NKAIN3: variants seen among roughly 807,000 people sequenced by gnomAD.
NKAIN3 encodes the protein sodium/potassium transporting ATPase interacting 3, also known as sodium/potassium-transporting ATPase subunit beta-1-interacting protein 3.
A neutral mutation model predicts 30.2 loss-of-function variants in NKAIN3; 25 were observed. The observed-to-expected ratio is 0.83, with a 90% CI of 0.60 to 1.16. The LOEUF is 1.16. NKAIN3 is among the 50% of genes most tolerant of loss of function. The probability of loss-of-function intolerance (pLI) is 0.00; values close to 1 mark genes in which losing one functional copy is unlikely to be tolerated. For missense variants in NKAIN3, 225 were observed against 254.1 expected, an observed-to-expected ratio of 0.89 and a Z score of 0.78; for synonymous variants, 91 against 89.6, an observed-to-expected ratio of 1.02 and a Z score of -0.09.
chr8:62,416,232 A>T (rs1311451315), intron 1 of NKAIN3, among the ~76,000 whole-genome samples: 1 of 152,144 alleles, frequency 6.6e-6, no homozygotes, highest in East Asian at 1.9e-4. Flanking sequence ...CTCATTAAGG[A>T]TTCAATAGCT....
chr8:62,420,097 C>G (rs1322687337), intron 1 of NKAIN3, among the ~76,000 whole-genome samples: 2 of 152,156 alleles, frequency 1.3e-5, no homozygotes, highest in African/African-American at 2.4e-5. Context: ...TTTTAGCTAG[C>G]ACCAACATAT....
chr8:62,294,615 A>G (rs1316961595), intron 1 of NKAIN3, among the ~76,000 whole-genome samples: 1 of 152,142 alleles, frequency 6.6e-6, no homozygotes, highest in Non-Finnish European at 1.5e-5. Context: ...TGACAAGATC[A>G]TGGTTCACTT....
intron 4 of NKAIN3, among the ~76,000 whole-genome samples, chr8:62,915,426 T>A (rs1443899570): frequency 6.6e-6 from 1 of 152,006 alleles, no homozygotes; most frequent in East Asian, 1.9e-4. Context: ...AACACAGGCA[T>A]CCTCTAGTAG....
chr8:62,962,603 C>A (rs530412518), intron 6 of NKAIN3, among the ~76,000 whole-genome samples: 2 of 152,292 alleles, frequency 1.3e-5, no homozygotes, highest in South Asian at 4.1e-4. Flanking sequence ...GCATTGTTGG[C>A]CTGTACCGCC....
chr8:62,315,550 A>G (rs1814591188), intron 1 of NKAIN3, among the ~76,000 whole-genome samples: 1 of 152,122 alleles, frequency 6.6e-6, no homozygotes, highest in African/African-American at 2.4e-5. Flanking sequence ...AATACCTAAA[A>G]TGTAAATGAG....
rs1817554672 is a variant in NKAIN3 at position 62,787,339 on chromosome 8, TG to T, written c.471+40211del. Among the ~76,000 whole-genome samples the T allele has an allele frequency of 2.0e-5, 3 of 152,048 alleles. No individual in the cohort carries two copies. The South Asian group carries it at 6.2e-4, about 32-fold the overall frequency. On this transcript the variant is annotated intron_variant, in intron 4 of 6. Coordinates refer to ENST00000623646, the MANE Select transcript of NKAIN3 (RefSeq NM_001304533.3). Reference sequence around the variant, plus strand: ...CAGCTAGCAATAGAAGCACAAAAATTGAAAAGACCAAAAACAGCTATTAATA... The same window carrying T: ...CAGCTAGCAATAGAAGCACAAAAATTAAAAGACCAAAAACAGCTATTAATA...
intron 1 of NKAIN3, among the ~76,000 whole-genome samples, chr8:62,456,470 G>A (rs1009604812): frequency 2.6e-5 from 4 of 151,630 alleles, no homozygotes; most frequent in Non-Finnish European, 5.9e-5. Context: ...AGTGAGCCGA[G>A]ATGGCGCCAC....
intron 3 of NKAIN3, among the ~76,000 whole-genome samples, chr8:62,695,191 T>C (rs1373136764): frequency 6.6e-6 from 1 of 152,216 alleles, no homozygotes; most frequent in Non-Finnish European, 1.5e-5. Flanking sequence ...AATTATTTCA[T>C]GACATGTCAT....
intron 1 of NKAIN3, among the ~76,000 whole-genome samples, chr8:62,326,815 CAG>C (rs1815154906): frequency 6.6e-6 from 1 of 151,874 alleles, no homozygotes. Context: ...GGTATAAACT[CAG>C]AAGTGGAATT....
chr8:62,530,632 T>A (rs988475751), intron 1 of NKAIN3, among the ~76,000 whole-genome samples: 5 of 151,676 alleles, frequency 3.3e-5, no homozygotes, highest in Non-Finnish European at 5.9e-5. Context: ...TTATTTATTA[T>A]TTATTTATTT....
intron 1 of NKAIN3, among the ~76,000 whole-genome samples, chr8:62,276,705 T>G (rs551839663): frequency 6.6e-6 from 1 of 152,330 alleles, no homozygotes; most frequent in South Asian, 2.1e-4. Context: ...GAGAGTGTTA[T>G]GAAAGGTTAA....
At chr8:62,663,655 A>G (rs1385580981) in intron 3 of NKAIN3, among the ~76,000 whole-genome samples, 2 of 152,162 alleles carry the variant, frequency 1.3e-5, no homozygotes, top group African/African-American at 2.4e-5. Flanking sequence ...TGACATCAGA[A>G]CTCACACTCC....
At chr8:62,994,537 A>G (rs1316620844) in intron 5 of NKAIN3, among the ~76,000 whole-genome samples, 1 of 152,132 alleles carries the variant, frequency 6.6e-6, no homozygotes, top group African/African-American at 2.4e-5. Flanking sequence ...TCCTCATAAA[A>G]CCTGTTTGGA....
intron 4 of NKAIN3, among the ~76,000 whole-genome samples, chr8:62,771,106 A>G (rs1006631712): frequency 6.6e-6 from 1 of 152,134 alleles, no homozygotes; most frequent in African/African-American, 2.4e-5. Flanking sequence ...AATTATCAAA[A>G]TGTCCAAAAT....
At chr8:62,663,339 C>T (rs1451068722) in intron 3 of NKAIN3, among the ~76,000 whole-genome samples, 5 of 152,112 alleles carry the variant, frequency 3.3e-5, no homozygotes, top group African/African-American at 1.2e-4. Context: ...GTCTCTATTA[C>T]TCTATTGTAG....
chr8:62,649,841 G>A (rs1212117877), intron 3 of NKAIN3, among the ~76,000 whole-genome samples: 1 of 152,160 alleles, frequency 6.6e-6, no homozygotes, highest in African/African-American at 2.4e-5. Context: ...GGGGCTGGGG[G>A]AAGGTTCCCC....
At chr8:62,715,659 A>G (rs372500964) in intron 3 of NKAIN3, among the ~76,000 whole-genome samples, 3 of 152,342 alleles carry the variant, frequency 2.0e-5, no homozygotes, top group East Asian at 3.9e-4. Flanking sequence ...CTACAGATAC[A>G]TTTGTTGTTG....
intron 4 of NKAIN3, among the ~76,000 whole-genome samples, chr8:62,867,380 C>T (rs1271402455): frequency 6.6e-6 from 1 of 152,140 alleles, no homozygotes; most frequent in Non-Finnish European, 1.5e-5. Flanking sequence ...AAGCCCTCAA[C>T]ATAGTGCCTA....
intron 1 of NKAIN3, among the ~76,000 whole-genome samples, chr8:62,435,717 G>T (rs922036344): frequency 1.1e-4 from 17 of 151,872 alleles, no homozygotes; most frequent in Admixed American, 5.9e-4. Context: ...TATGTTCTTT[G>T]GAAATATAAA....
Sources: gnomAD v4.1 joint callset for allele counts (sites outside exome capture counted in the v4.1 genomes callset) on GRCh38, gnomAD v4.1.1 for gene constraint, MANE v1.5 for transcripts, NCBI Gene and HGNC (gene_info 2026-07-23, HGNC 2026-07-21) for gene names.